Variants in CALD1 observed in about 807,000 individuals in gnomAD.
The protein encoded by CALD1 is caldesmon.
In CALD1, 33 loss-of-function variants were observed where a neutral mutation model predicts 99.9. That is an observed-to-expected ratio of 0.33 (90% CI 0.25 to 0.44). CALD1 has a LOEUF of 0.44. CALD1 is among the 20% of genes least tolerant of loss of function. The pLI is 1.00. For synonymous variants in CALD1, 310 were observed against 325.0 expected (o/e 0.95, Z 0.50); for missense variants, 861 against 962.1 (o/e 0.89, Z 1.39).
intron 3 of CALD1, among the ~76,000 whole-genome samples, chr7:134,909,216 T>C (rs1044778436): frequency 6.6e-6 from 1 of 152,266 alleles, no homozygotes; most frequent in East Asian, 1.9e-4. Flanking sequence ...TTAAAAAAAA[T>C]TTTCAGATTA....
At chr7:134,740,407 C>T (rs1796582789), upstream of CALD1, among the ~76,000 whole-genome samples, 2 of 152,068 alleles carry the variant, frequency 1.3e-5, no homozygotes, top group South Asian at 4.1e-4. Context: ...AGGATAAATG[C>T]AAAGTCTTAT....
chr7:134,908,384 T>C (rs1048300078), intron 3 of CALD1, among the ~76,000 whole-genome samples: 12 of 152,216 alleles, frequency 7.9e-5, no homozygotes, highest in African/African-American at 2.7e-4. Context: ...CTTAGGATCA[T>C]AGTGATGAGT....
chr7:134,919,367 T>C (rs1023535591), intron 3 of CALD1, among the ~76,000 whole-genome samples: 2 of 152,200 alleles, frequency 1.3e-5, no homozygotes, highest in African/African-American at 4.8e-5. Context: ...ACTGCTATGG[T>C]ATGTGTAGAC....
chr7:134,890,066 G>C (rs1196623236), intron 3 of CALD1, among the ~76,000 whole-genome samples: 2 of 152,036 alleles, frequency 1.3e-5, no homozygotes, highest in African/African-American at 4.8e-5. Context: ...CTGCCACCAA[G>C]CCCGGGTAAT....
At chr7:134,804,883 T>C (rs1798078005) in intron 1 of CALD1, among the ~76,000 whole-genome samples, 2 of 152,232 alleles carry the variant, frequency 1.3e-5, no homozygotes, top group African/African-American at 2.4e-5. Flanking sequence ...AAAGAGTAAT[T>C]CATTCAAAAC....
chr7:134,827,485 A>G (rs1428340830), intron 1 of CALD1, among the ~76,000 whole-genome samples: 1 of 152,252 alleles, frequency 6.6e-6, no homozygotes, highest in Non-Finnish European at 1.5e-5. Flanking sequence ...CATGCAAGGT[A>G]GGCATTCTCC....
rs970253998 is a variant in CALD1 at position 134,869,770 on chromosome 7, T to C, written c.71+1966T>C. ...GGGAGAGAAATTATTATTAGAGTAA[T>C]AAATTTGGGCAGACACAGTATGGTG... On this transcript the variant is annotated intron_variant, in intron 3 of 14. Coordinates refer to ENST00000361675, the MANE Select transcript of CALD1 (RefSeq NM_033138.4). Among the ~76,000 whole-genome samples, 15 of 152,228 alleles carry C rather than the reference T, an allele frequency of 9.9e-5. No individual in the cohort carries two copies. The East Asian group carries it at 2.9e-3, about 29-fold the overall frequency.
chr7:134,942,834 T>A (rs1032191109), intron 7 of CALD1, among the ~76,000 whole-genome samples: 9 of 152,198 alleles, frequency 5.9e-5, no homozygotes, highest in African/African-American at 2.2e-4. Flanking sequence ...TGTTTAACAA[T>A]TAGCAAACTT....
At chr7:134,762,279 A>G (rs1796785596) in intron 1 of CALD1, among the ~76,000 whole-genome samples, 1 of 152,214 alleles carries the variant, frequency 6.6e-6, no homozygotes, top group African/African-American at 2.4e-5. Context: ...AGCCTGGTAA[A>G]GGGAGCATCT....
At chr7:134,825,576 G>GA (rs1165973005) in intron 1 of CALD1, among the ~76,000 whole-genome samples, 1 of 152,084 alleles carries the variant, frequency 6.6e-6, no homozygotes, top group East Asian at 1.9e-4. Context: ...TATTTTCCCA[G>GA]AAAAAATGTG....
chr7:134,801,131 T>C (rs903102745), intron 1 of CALD1, among the ~76,000 whole-genome samples: 3 of 152,150 alleles, frequency 2.0e-5, no homozygotes, highest in Non-Finnish European at 4.4e-5. Flanking sequence ...TAGTGTTTTA[T>C]TATGTTTATT....
At chr7:134,759,255 GA>G (rs1326962844) in intron 1 of CALD1, among the ~76,000 whole-genome samples, 1 of 152,056 alleles carries the variant, frequency 6.6e-6, no homozygotes, top group Non-Finnish European at 1.5e-5. Flanking sequence ...GAGTTCATGA[GA>G]AAAAAATAGA....
chr7:134,918,358 C>T (rs1197967269), intron 3 of CALD1, among the ~76,000 whole-genome samples: 2 of 152,196 alleles, frequency 1.3e-5, no homozygotes, highest in African/African-American at 4.8e-5. Flanking sequence ...GCTTGTGCCT[C>T]ATCTGTTGTT....
chr7:134,952,302 A>G lies in CALD1; in HGVS notation c.1935+1788A>G, dbSNP rs949685910. 3.3e-4 allele frequency among the ~76,000 whole-genome samples: 50 copies of G among 151,944 alleles called. 1 individual carries two copies. The highest frequency in any genetic ancestry group is 3.2e-3 in the Admixed American group (49 of 15,246). On this transcript the variant is annotated intron_variant, in intron 9 of 14. Coordinates refer to ENST00000361675, the MANE Select transcript of CALD1 (RefSeq NM_033138.4). ...TGTGACAGAATGAGACCCTATCCCAAAAAAAAGAAAAAAAGAATCATAGCG... is the reference window on the plus strand; with the variant it reads ...TGTGACAGAATGAGACCCTATCCCAGAAAAAAGAAAAAAAGAATCATAGCG...
intron 11 of CALD1, among the ~76,000 whole-genome samples, chr7:134,958,872 A>AATAT (rs58837080): frequency 0.031 from 3,906 of 124,234 alleles, 80 homozygotes; most frequent in Non-Finnish European, 0.042. Context: ...CTGGTATTTA[A>AATAT]ATATATATAT....
intron 1 of CALD1, among the ~76,000 whole-genome samples, chr7:134,824,851 G>A (rs1798926669): frequency 6.6e-6 from 1 of 152,154 alleles, no homozygotes; most frequent in Non-Finnish European, 1.5e-5. Context: ...CGCTGTTAAA[G>A]AATATTAGAA....
At chr7:134,753,880 A>G (rs1479538349) in intron 1 of CALD1, among the ~76,000 whole-genome samples, 1 of 152,088 alleles carries the variant, frequency 6.6e-6, no homozygotes, top group Non-Finnish European at 1.5e-5. Context: ...CCTTCTGAGT[A>G]TTTGCCCACT....
At chr7:134,734,206 A>G in the CALD1 span, among the ~76,000 whole-genome samples, 100,596 of 152,100 alleles carry the variant, frequency 0.66, 33,797 homozygotes, top group East Asian at 0.89. Flanking sequence ...AATTAAAACA[A>G]TGTTTCCTAT....
intron 1 of CALD1, among the ~76,000 whole-genome samples, chr7:134,767,109 T>C (rs879899154): frequency 1.3e-5 from 2 of 151,988 alleles, no homozygotes; most frequent in Non-Finnish European, 2.9e-5. Flanking sequence ...AAAGGCCCAG[T>C]GAGGGTTCAG....
Sources: allele counts gnomAD v4.1 joint callset (sites outside exome capture counted in the v4.1 genomes callset), GRCh38; gene constraint gnomAD v4.1.1; transcripts MANE v1.5; gene names NCBI Gene and HGNC (gene_info 2026-07-23, HGNC 2026-07-21).